Variants in NCOA2 observed in about 807,000 individuals in gnomAD.
NCOA2 encodes the protein class E basic helix-loop-helix protein 75.
A neutral mutation model predicts 145.1 loss-of-function variants in NCOA2; 21 were observed. That is an observed-to-expected ratio of 0.14 (90% CI 0.10 to 0.21). The LOEUF (loss-of-function observed/expected upper bound fraction) is 0.21, where lower values mean the gene tolerates loss of function less well. NCOA2 is among the 10% of genes least tolerant of loss of function. The pLI is 1.00. For synonymous variants in NCOA2, 619 were observed against 637.5 expected, an observed-to-expected ratio of 0.97 and a Z score of 0.44; for missense variants, 1,472 against 1,837.6, an observed-to-expected ratio of 0.80 and a Z score of 3.64.
At chr8:70,316,156 T>C (rs1304807979) in intron 1 of NCOA2, among the ~76,000 whole-genome samples, 9 of 152,272 alleles carry the variant, frequency 5.9e-5, no homozygotes, top group African/African-American at 1.9e-4. Flanking sequence ...TATGCCTAGA[T>C]GAAAAATCTG....
At chr8:70,210,546 A>G (rs191577847) in intron 4 of NCOA2, among the ~76,000 whole-genome samples, 30 of 152,318 alleles carry the variant, frequency 2.0e-4, no homozygotes, top group African/African-American at 6.5e-4. Context: ...CGGGTCTCAT[A>G]AAGCGCTACG....
At chr8:70,409,499 TG>T in the NCOA2 span, among the ~76,000 whole-genome samples, 1 of 152,206 alleles carries the variant, frequency 6.6e-6, no homozygotes, top group Non-Finnish European at 1.5e-5. Context: ...GGTATCAGTT[TG>T]GAGAAAATAG....
At chr8:70,444,531 CAG>C in the NCOA2 span, among the ~76,000 whole-genome samples, 1 of 152,078 alleles carries the variant, frequency 6.6e-6, no homozygotes, top group African/African-American at 2.4e-5. Context: ...GCATATAAAA[CAG>C]AATAAGATTG....
At chr8:70,271,317 G>A (rs966243687) in intron 2 of NCOA2, among the ~76,000 whole-genome samples, 2 of 152,130 alleles carry the variant, frequency 1.3e-5, no homozygotes, top group East Asian at 1.9e-4. Flanking sequence ...GAGATTATTA[G>A]TATTAATTTT....
intron 19 of NCOA2, among the ~76,000 whole-genome samples, chr8:70,126,352 A>C (rs964438451): frequency 6.6e-6 from 1 of 152,308 alleles, no homozygotes; most frequent in African/African-American, 2.4e-5. Context: ...GATCTGGTAT[A>C]ATCTGTAAAG....
At chr8:70,182,267 G>T (rs1317466858) in intron 4 of NCOA2, among the ~76,000 whole-genome samples, 1 of 152,150 alleles carries the variant, frequency 6.6e-6, no homozygotes, top group Non-Finnish European at 1.5e-5. Flanking sequence ...CTGACATTGA[G>T]CTTCTTAACA....
chr8:70,315,111 G>A (rs1001684080), intron 1 of NCOA2, among the ~76,000 whole-genome samples: 1 of 152,180 alleles, frequency 6.6e-6, no homozygotes, highest in Non-Finnish European at 1.5e-5. Context: ...TAAGATACTT[G>A]ACACTGATTA....
At chr8:70,301,414 G>A (rs1278382880) in intron 1 of NCOA2, among the ~76,000 whole-genome samples, 1 of 151,980 alleles carries the variant, frequency 6.6e-6, no homozygotes, top group African/African-American at 2.4e-5. Flanking sequence ...AACACTTTGG[G>A]AGGCTTGAGC....
intron 2 of NCOA2, among the ~76,000 whole-genome samples, chr8:70,243,476 T>C (rs893183660): frequency 1.1e-4 from 16 of 152,096 alleles, no homozygotes; most frequent in Non-Finnish European, 2.1e-4. Flanking sequence ...TGTCTTCATG[T>C]TCCCATATTG....
At chr8:70,396,482 A>G (rs1813684069) in intron 1 of NCOA2, among the ~76,000 whole-genome samples, 1 of 152,224 alleles carries the variant, frequency 6.6e-6, no homozygotes, top group Non-Finnish European at 1.5e-5. Context: ...CTACCTCTCA[A>G]TGCTACAGTA....
intron 4 of NCOA2, among the ~76,000 whole-genome samples, chr8:70,194,673 CTTCT>C (rs1310638909): frequency 9.4e-5 from 11 of 117,248 alleles, no homozygotes; most frequent in Admixed American, 6.4e-4. Flanking sequence ...GCTCTTTTAT[CTTCT>C]TTTTTTTTTT....
At position 70,282,268 on chromosome 8, in the gene NCOA2, A is replaced by T. The variant is rs547834357; in HGVS notation, c.-20+14476T>A. Among the ~76,000 whole-genome samples, 6 of 152,376 alleles carry T rather than the reference A, an allele frequency of 3.9e-5. No individual in the cohort carries two copies. In the South Asian group the frequency reaches 1.2e-3, roughly 32 times the overall value. On this transcript the variant is annotated intron_variant, in intron 2 of 22. Transcript: ENST00000452400. The stretch of plus-strand genomic sequence containing the variant: ...ATACAGATTGATTATAAAGATTAAT[A>T]AAGATATATGATCATGCATATATCA...
intron 1 of NCOA2, among the ~76,000 whole-genome samples, chr8:70,307,047 A>G (rs1363020829): frequency 6.6e-6 from 1 of 152,110 alleles, no homozygotes; most frequent in Non-Finnish European, 1.5e-5. Context: ...CTTCTCTGCA[A>G]TTCTTGCTCT....
intron 1 of NCOA2, among the ~76,000 whole-genome samples, chr8:70,321,284 G>A (rs1264634873): frequency 6.6e-6 from 1 of 151,532 alleles, no homozygotes; most frequent in Non-Finnish European, 1.5e-5. Context: ...TAATTAGCTT[G>A]ATTTAATTAT....
chr8:70,444,727 A>G, the NCOA2 span, among the ~76,000 whole-genome samples: 1 of 152,222 alleles, frequency 6.6e-6, no homozygotes. Flanking sequence ...ATTTCTCTGA[A>G]CCTGGGGCTG....
At position 70,155,989 on chromosome 8, in the gene NCOA2, G is replaced by A. The variant is rs763331205; in HGVS notation, c.2376C>T (p.Ser792=). ...AACTTACCTGGTCACCAGGCTCAAA[G>A]CTCATCTCCTCCTTCTCAGTTTTCA... ...IAMKTEKEEM[S]FEPGDQPGSE... Residue 792 remains serine, a synonymous_variant, in exon 11 of 23, where the codon AGC becomes AGT. Transcript: ENST00000452400. 1 of 1,584,178 alleles carries A rather than the reference G, an allele frequency of 6.3e-7. No individual in the cohort carries two copies. Among genetic ancestry groups the A allele is most frequent in the South Asian group, 1.2e-5 (1 of 85,450 alleles).
At chr8:70,450,765 A>C in the NCOA2 span, among the ~76,000 whole-genome samples, 1 of 150,358 alleles carries the variant, frequency 6.7e-6, no homozygotes, top group Admixed American at 6.6e-5. Flanking sequence ...TTTTTAGTAG[A>C]GATGGGGGCC....
chr8:70,233,192 C>T (rs1821302032), intron 2 of NCOA2, among the ~76,000 whole-genome samples: 1 of 151,878 alleles, frequency 6.6e-6, no homozygotes, highest in Non-Finnish European at 1.5e-5. Flanking sequence ...CACCACTACA[C>T]TCCAGCCTGG....
chr8:70,276,787 G>C (rs1825501170), intron 2 of NCOA2, among the ~76,000 whole-genome samples: 1 of 151,998 alleles, frequency 6.6e-6, no homozygotes. Context: ...AGCAGCGTGA[G>C]GACTAATATA....
Sources: gnomAD v4.1 joint callset for allele counts (sites outside exome capture counted in the v4.1 genomes callset) on GRCh38, gnomAD v4.1.1 for gene constraint, MANE v1.5 for transcripts, NCBI Gene and HGNC (gene_info 2026-07-23, HGNC 2026-07-21) for gene names.